Variants in CLVS1 observed in about 807,000 individuals in gnomAD.
CLVS1 encodes clavesin-1.
CLVS1 carries 10 observed loss-of-function variants against 33.1 expected under a neutral mutation model. The ratio of observed to expected loss-of-function variants is 0.30; its 90% CI spans 0.19 to 0.51. The LOEUF (loss-of-function observed/expected upper bound fraction) is 0.51. CLVS1 is among the 20% of genes least tolerant of loss of function. The pLI, the probability that CLVS1 is intolerant of heterozygous loss-of-function variation, is 0.97. For synonymous variants in CLVS1, 163 were observed against 166.1 expected, an observed-to-expected ratio of 0.98 and a Z score of 0.14; for missense variants, 343 against 433.4, an observed-to-expected ratio of 0.79 and a Z score of 1.85.
intron 2 of CLVS1, 113 bp from the exon 3 acceptor site, chr8:61,376,492 C>A: frequency 1.1e-6 from 1 of 907,664 alleles, no homozygotes; most frequent in South Asian, 1.8e-5. Flanking sequence ...GCCAGTGTGA[C>A]CCTCCAGGCG....
At chr8:61,231,096 T>C (rs1808423602) in intron 2 of CLVS1, among the ~76,000 whole-genome samples, 1 of 152,130 alleles carries the variant, frequency 6.6e-6, no homozygotes, top group African/African-American at 2.4e-5. Context: ...TATGCAAAAC[T>C]GGACAATGTT....
chr8:61,495,594 C>T (rs538428630), intron 5 of CLVS1, among the ~76,000 whole-genome samples: 9 of 152,184 alleles, frequency 5.9e-5, no homozygotes, highest in African/African-American at 2.2e-4. Flanking sequence ...AAACATGAGG[C>T]AAATTCAAGA....
chr8:61,017,956 T>A, the CLVS1 span, among the ~76,000 whole-genome samples: 1 of 152,196 alleles, frequency 6.6e-6, no homozygotes, highest in Non-Finnish European at 1.5e-5. Context: ...ATGTATTAAA[T>A]CCCTACTGTG....
the CLVS1 span, among the ~76,000 whole-genome samples, chr8:60,972,492 G>A: frequency 6.6e-6 from 1 of 152,216 alleles, no homozygotes; most frequent in Non-Finnish European, 1.5e-5. Flanking sequence ...ATTCCCTTAA[G>A]ATATAGGTAT....
At chr8:60,998,488 G>C in the CLVS1 span, among the ~76,000 whole-genome samples, 1 of 152,124 alleles carries the variant, frequency 6.6e-6, no homozygotes, top group African/African-American at 2.4e-5. Context: ...GGCCATGAGA[G>C]CCTCCCTGCC....
upstream of CLVS1, among the ~76,000 whole-genome samples, chr8:61,054,730 T>C (rs748911174): frequency 6.6e-6 from 1 of 152,062 alleles, no homozygotes; most frequent in Non-Finnish European, 1.5e-5. Flanking sequence ...GATAAACAGG[T>C]TATTCAGGCT....
At chr8:61,252,799 G>T (rs1211666951) in intron 2 of CLVS1, among the ~76,000 whole-genome samples, 1 of 152,042 alleles carries the variant, frequency 6.6e-6, no homozygotes, top group Non-Finnish European at 1.5e-5. Flanking sequence ...CCTTTATTTT[G>T]AGCCTATGTG....
intron 2 of CLVS1, among the ~76,000 whole-genome samples, chr8:61,147,721 A>C (rs376335607): frequency 8.5e-5 from 13 of 152,230 alleles, no homozygotes; most frequent in African/African-American, 2.2e-4. Flanking sequence ...ATTTTATTGG[A>C]AATGATAGCA....
intron 2 of CLVS1, among the ~76,000 whole-genome samples, chr8:61,315,489 C>T (rs939351003): frequency 1.3e-5 from 2 of 152,088 alleles, no homozygotes; most frequent in South Asian, 2.1e-4. Flanking sequence ...GGGTGGTCAT[C>T]GTGATATACA....
intron 2 of CLVS1, among the ~76,000 whole-genome samples, chr8:61,208,629 G>A (rs745683590): frequency 4.6e-5 from 7 of 150,924 alleles, no homozygotes; most frequent in South Asian, 2.1e-4. Flanking sequence ...TCACTCTGTC[G>A]CCAGGCTAGA....
At chr8:61,408,994 G>A (rs913136623) in intron 3 of CLVS1, among the ~76,000 whole-genome samples, 10 of 152,056 alleles carry the variant, frequency 6.6e-5, no homozygotes, top group Non-Finnish European at 2.9e-5. Context: ...CTAAGTCAAA[G>A]GAAGAAATAT....
At chr8:61,319,083 A>G (rs1585796119) in intron 2 of CLVS1, among the ~76,000 whole-genome samples, 1 of 152,258 alleles carries the variant, frequency 6.6e-6, no homozygotes, top group East Asian at 1.9e-4. Context: ...TTATTCAATT[A>G]GCTATAGTCC....
At chr8:61,070,055 AG>A (rs1227367614) in intron 1 of CLVS1, among the ~76,000 whole-genome samples, 1 of 152,154 alleles carries the variant, frequency 6.6e-6, no homozygotes, top group African/African-American at 2.4e-5. Context: ...GGCCTCCAAA[AG>A]TGCTGGGATT....
the CLVS1 span, among the ~76,000 whole-genome samples, chr8:60,996,814 C>T: frequency 3.3e-5 from 5 of 152,246 alleles, no homozygotes; most frequent in East Asian, 7.7e-4. Context: ...TGCGCGATTG[C>T]CTGCAACCTC....
At chr8:61,057,405 CACACACA>C (rs1563387120) in intron 1 of CLVS1, among the ~76,000 whole-genome samples, 8 of 149,112 alleles carry the variant, frequency 5.4e-5, no homozygotes, top group East Asian at 1.9e-4. Flanking sequence ...CACACACACA[CACACACA>C]CCCCATCCAA....
Position 61,345,154 on chromosome 8 carries a change from A to G in CLVS1, c.456-31451A>G, listed in dbSNP as rs543992121. Among the ~76,000 whole-genome samples, 16 of 152,290 alleles carry G rather than the reference A, an allele frequency of 1.1e-4. No homozygotes were observed. In the South Asian group the frequency reaches 3.1e-3, roughly 30 times the overall value. On this transcript the variant is annotated intron_variant, in intron 2 of 5. Transcript: ENST00000325897. The stretch of plus-strand genomic sequence containing the variant: ...ATTTGAGAGTGCATTTCTACTGAGG[A>G]GCATTGGCCCCTGATTGCCTATCCA...
chr8:61,261,697 G>A (rs1809206243), intron 2 of CLVS1, among the ~76,000 whole-genome samples: 1 of 152,170 alleles, frequency 6.6e-6, no homozygotes, highest in African/African-American at 2.4e-5. Context: ...TTAGAAACCA[G>A]TTAGAAGGAG....
intron 2 of CLVS1, among the ~76,000 whole-genome samples, chr8:61,178,805 C>G (rs957513883): frequency 6.6e-6 from 1 of 152,076 alleles, no homozygotes; most frequent in African/African-American, 2.4e-5. Flanking sequence ...TGAGGGATTT[C>G]ATCACCACCA....
At chr8:61,358,235 T>C (rs566875723) in intron 2 of CLVS1, among the ~76,000 whole-genome samples, 2 of 152,360 alleles carry the variant, frequency 1.3e-5, no homozygotes, top group East Asian at 3.9e-4. Flanking sequence ...TTTAAATGTT[T>C]GTAAAATGTT....
Sources: gnomAD v4.1 joint callset for allele counts (sites outside exome capture counted in the v4.1 genomes callset) on GRCh38, gnomAD v4.1.1 for gene constraint, MANE v1.5 for transcripts, NCBI Gene and HGNC (gene_info 2026-07-23, HGNC 2026-07-21) for gene names.